Variants in SP100 observed in about 807,000 individuals in gnomAD.
The protein encoded by SP100 is nuclear autoantigen Sp-100.
In SP100, 84 loss-of-function variants were observed where a neutral mutation model predicts 130.0. The observed-to-expected ratio is 0.65, with a 90% CI of 0.54 to 0.77. SP100 has a LOEUF of 0.77. Among genes scored for constraint, SP100 ranks in the 30% least tolerant of loss-of-function variants. The pLI is 0.00. For synonymous variants in SP100, 331 were observed against 351.7 expected (o/e 0.94, Z 0.66); for missense variants, 978 against 1,052.2 (o/e 0.93, Z 0.97).
At chr2:230,459,178 T>C (rs2064447512) in intron 8 of SP100, among the ~76,000 whole-genome samples, 1 of 151,470 alleles carries the variant, frequency 6.6e-6, no homozygotes, top group African/African-American at 2.4e-5. Flanking sequence ...ATAGGAAAAA[T>C]GGAGGGAGGC....
chr2:230,477,963 T>G (rs2065651269), intron 17 of SP100, among the ~76,000 whole-genome samples: 1 of 148,958 alleles, frequency 6.7e-6, no homozygotes, highest in Admixed American at 6.7e-5. Flanking sequence ...AAAAAAGCAT[T>G]GAATTTGAAG....
At chr2:230,447,122 G>A (rs1307791582) in intron 5 of SP100, among the ~76,000 whole-genome samples, 1 of 152,146 alleles carries the variant, frequency 6.6e-6, no homozygotes, top group East Asian at 1.9e-4. Flanking sequence ...CGTGTCAGTA[G>A]GCCAGATTTA....
chr2:230,436,425 A>G (rs761829770), intron 2 of SP100, among the ~76,000 whole-genome samples: 45 of 151,870 alleles, frequency 3.0e-4, no homozygotes, highest in Non-Finnish European at 5.4e-4. Flanking sequence ...TCATGGGGCA[A>G]TTTCACCCAT....
chr2:230,440,442 A>T (rs955027580), intron 2 of SP100: 15 of 750,320 alleles, frequency 2.0e-5, no homozygotes, highest in Non-Finnish European at 2.7e-5. Context: ...ATTATTTTTT[A>T]AATTTAATTA....
At chr2:230,541,206 C>T (rs1575823912) in intron 26 of SP100, 95 bp from the exon 27 acceptor site, 1 of 1,302,274 alleles carries the variant, frequency 7.7e-7, no homozygotes, top group East Asian at 2.3e-5. Flanking sequence ...TCAAAGAGTC[C>T]ACAGGTTTGG....
intron 17 of SP100, among the ~76,000 whole-genome samples, chr2:230,477,669 G>A (rs1490467693): frequency 6.6e-6 from 1 of 152,130 alleles, no homozygotes; most frequent in Admixed American, 6.6e-5. Context: ...AGAAAGAAGA[G>A]CTCAGAGGTA....
At chr2:230,417,765 T>C in intron 2 of SP100, 100 bp downstream of exon 2, 1 of 1,487,076 alleles carries the variant, frequency 6.7e-7, no homozygotes, top group South Asian at 1.4e-5. Flanking sequence ...AATTCCCTCT[T>C]CTATAAATTG....
At chr2:230,498,709 A>G (rs566229911) in intron 19 of SP100, among the ~76,000 whole-genome samples, 174 bp downstream of exon 19, 1 of 152,330 alleles carries the variant, frequency 6.6e-6, no homozygotes, top group East Asian at 1.9e-4. Context: ...ACCACAAACA[A>G]GTAGCTAGGT....
intron 2 of SP100, among the ~76,000 whole-genome samples, chr2:230,420,219 A>AT (rs960401956): frequency 1.8e-4 from 28 of 152,156 alleles, no homozygotes; most frequent in African/African-American, 6.8e-4. Flanking sequence ...AAATCTATTC[A>AT]TTTTAGTTAG....
In SP100 at chr2:230,457,151, A is replaced by G. The variant is rs142244865; in HGVS notation, c.821-4111A>G. ...TGCTGCTAGAGTCCTCAAGCAGGCT[A>G]GTCTGGTGCCTAGGACAACCAGTGG... On this transcript the variant is annotated intron_variant, in intron 8 of 28. Coordinates refer to ENST00000340126, the MANE Select transcript of SP100 (RefSeq NM_001080391.2). Among the ~76,000 whole-genome samples the G allele has an allele frequency of 9.2e-3, 1,399 of 152,318 alleles. 23 individuals are homozygous for G. Among genetic ancestry groups the G allele is most frequent in the African/African-American group, 0.032 (1,340 of 41,572 alleles).
At chr2:230,516,041 G>A (rs1323248389) in intron 24 of SP100, 7 of 990,144 alleles carry the variant, frequency 7.1e-6, no homozygotes, top group Non-Finnish European at 8.4e-6. Context: ...AACAGTTGCA[G>A]CTGTTTTGTT....
rs1256287844 is a variant in SP100 at position 230,540,991 on chromosome 2, C to G, written c.2326C>G (p.Gln776Glu). The G allele has an allele frequency of 6.2e-7, 1 of 1,610,702 alleles. No individual in the cohort carries two copies. Among genetic ancestry groups the G allele is most frequent in the Non-Finnish European group, 8.5e-7 (1 of 1,177,880 alleles). ...GATGAGGCAGATGCTGCCTGAGGAG[C>G]AGTTGGTGAGTAAAAATGTGAACCT... ...VLMRQMLPEE[Q>E]LKCEFLLLKV... Residue 776 changes from glutamine to glutamate, a missense_variant, in exon 26 of 29, where the codon CAG becomes GAG. By Grantham distance (29) the Gln-to-Glu change is conservative. Coordinates refer to ENST00000340126, the MANE Select transcript of SP100 (RefSeq NM_001080391.2).
intron 17 of SP100, among the ~76,000 whole-genome samples, chr2:230,474,850 G>A (rs536337717): frequency 1.1e-4 from 16 of 152,126 alleles, no homozygotes; most frequent in African/African-American, 1.9e-4. Context: ...ATGTTGCTGC[G>A]AAGGGTGTGA....
rs1692197291 is a variant in SP100 at position 230,542,011 on chromosome 2, T to A, written c.2523T>A (p.Phe841Leu). 4.3e-6 allele frequency: 7 copies of A among 1,614,070 alleles called. No individual in the cohort carries two copies. The highest frequency in any genetic ancestry group is 5.9e-6 in the Non-Finnish European group (7 of 1,179,942). Residue 841 changes from phenylalanine to leucine, a missense_variant, in exon 28 of 29, where the codon TTT becomes TTA. Transcript: ENST00000340126. Reference protein sequence around the residue: ...EGFVQDMRLIFHNHKEFYRED... With the variant: ...EGFVQDMRLILHNHKEFYRED... ...TTGTGCAGGACATGCGTCTCATCTT[T>A]CATAACCACAAGGAATTTTACAGGG...
intron 2 of SP100, among the ~76,000 whole-genome samples, chr2:230,424,708 A>AT (rs2062871036): frequency 6.8e-6 from 1 of 146,852 alleles, no homozygotes; most frequent in South Asian, 2.1e-4. Context: ...CAGGGAAGGG[A>AT]TTTTCTGGGT....
In SP100 at chr2:230,473,438, T is replaced by C. The variant is rs755263971; in HGVS notation, c.1544T>C (p.Met515Thr). 7 of 1,590,190 alleles carry C rather than the reference T, an allele frequency of 4.4e-6. No individual in the cohort carries two copies. Among genetic ancestry groups the C allele is most frequent in the Non-Finnish European group, 6.0e-6 (7 of 1,158,520 alleles). The part of the protein sequence containing the change: ...RTESSQASDM[M>T]DTMDVENNST... The stretch of plus-strand genomic sequence containing the variant: ...GAAAGTAGTCAAGCATCTGACATGA[T>C]GGGTAAGGCTACCCTAGGGTCTTGG... Residue 515 changes from methionine to threonine, a missense_variant and splice_region_variant, in exon 16 of 29, where the codon ATG becomes ACG. Coordinates refer to ENST00000340126, the MANE Select transcript of SP100 (RefSeq NM_001080391.2).
rs142653391 is a variant in SP100 at position 230,434,523 on chromosome 2, A to T, written c.108-8414A>T. On this transcript the variant is annotated intron_variant, in intron 2 of 28. Transcript: ENST00000340126. ...CATATATATTTTTGGGGGAAAAGAG[A>T]CAATAAAGAATATGATAAACAATAA... Among the ~76,000 whole-genome samples, 63 of 152,352 alleles carry T rather than the reference A, an allele frequency of 4.1e-4. No individual in the cohort carries two copies. The East Asian group carries it at 0.012, about 28-fold the overall frequency.
chr2:230,516,507 GTCACTTTAT>G (rs1388516257), intron 24 of SP100: 1 of 152,140 alleles, frequency 6.6e-6, no homozygotes, highest in East Asian at 1.9e-4. Context: ...AGTCATAAAA[GTCACTTTAT>G]TCCTCCATCA....
intron 15 of SP100, 131 bp downstream of exon 15, chr2:230,470,229 T>C: frequency 7.5e-7 from 1 of 1,339,820 alleles, no homozygotes. Flanking sequence ...GGGAACTCCT[T>C]TTTGCATTTT....
Sources: gnomAD v4.1 joint callset for allele counts (sites outside exome capture counted in the v4.1 genomes callset) on GRCh38, gnomAD v4.1.1 for gene constraint, MANE v1.5 for transcripts, NCBI Gene and HGNC (gene_info 2026-07-23, HGNC 2026-07-21) for gene names.